ABCC1: variants seen among roughly 807,000 people sequenced by gnomAD.
ABCC1 encodes multidrug resistance-associated protein 1.
Under a neutral mutation model 172.9 loss-of-function variants are expected in ABCC1, and 83 were observed. That is an observed-to-expected ratio of 0.48 (90% CI 0.40 to 0.58). The LOEUF (loss-of-function observed/expected upper bound fraction) is 0.58. Among genes scored for constraint, ABCC1 ranks in the 20% least tolerant of loss-of-function variants. ABCC1 has a pLI of 0.00. For synonymous variants in ABCC1, 937 were observed against 825.2 expected, an observed-to-expected ratio of 1.14 and a Z score of -2.32; for missense variants, 1,817 against 2,002.7, an observed-to-expected ratio of 0.91 and a Z score of 1.77.
In ABCC1 at chr16:16,009,910, G is replaced by A. The variant is rs201305865; in HGVS notation, c.351+9G>A. Reference sequence around the variant, plus strand: ...TCTTGGGCATCACCATGGTAAGTAGGAGCTGGCTGTGACCCCTGGGCCATC... The same window carrying A: ...TCTTGGGCATCACCATGGTAAGTAGAAGCTGGCTGTGACCCCTGGGCCATC... On this transcript the variant is annotated intron_variant, in intron 3 of 30. Coordinates refer to ENST00000399410, the MANE Select transcript of ABCC1 (RefSeq NM_004996.4). The A allele has an allele frequency of 2.5e-5, 39 of 1,591,550 alleles. No homozygotes were observed. The South Asian group carries it at 3.1e-4, about 13-fold the overall frequency.
chr16:16,015,305 A>C (rs951983549), intron 4 of ABCC1, among the ~76,000 whole-genome samples: 3 of 151,928 alleles, frequency 2.0e-5, no homozygotes, highest in African/African-American at 7.3e-5. Context: ...ATGCCCAGCT[A>C]ATTTTTGTAT....
intron 12 of ABCC1, among the ~76,000 whole-genome samples, chr16:16,066,711 C>G (rs899026875): frequency 8.0e-5 from 12 of 150,930 alleles, no homozygotes; most frequent in African/African-American, 2.9e-4. Context: ...CCAGCCTGAC[C>G]AACATGGCGA....
intron 4 of ABCC1, among the ~76,000 whole-genome samples, chr16:16,016,158 T>TG (rs2151762219): frequency 6.9e-6 from 1 of 144,942 alleles, no homozygotes; most frequent in South Asian, 2.3e-4. Context: ...GGTTTTTTTT[T>TG]TTTTTTTTTT....
chr16:16,061,122 G>A (rs1390460901), intron 12 of ABCC1, among the ~76,000 whole-genome samples: 4 of 152,060 alleles, frequency 2.6e-5, no homozygotes, highest in Non-Finnish European at 4.4e-5. Context: ...ATGGGGTTTA[G>A]CCGTGTTGGC....
chr16:15,992,250 A>G (rs530692854), intron 1 of ABCC1, among the ~76,000 whole-genome samples: 81 of 152,146 alleles, frequency 5.3e-4, no homozygotes, highest in African/African-American at 1.9e-3. Context: ...ATTCTACATA[A>G]TGGTGAGTTG....
chr16:16,112,593 C>T (rs2044665840), intron 22 of ABCC1, among the ~76,000 whole-genome samples: 1 of 152,118 alleles, frequency 6.6e-6, no homozygotes, highest in Admixed American at 6.5e-5. Context: ...GAAACTGAGG[C>T]CCGGAGAGGT....
Position 16,114,826 on chromosome 16 carries a change from G to T in ABCC1, c.3140G>T (p.Cys1047Phe), listed in dbSNP as rs13337489. The T allele has an allele frequency of 1.7e-5, 28 of 1,610,814 alleles. No individual in the cohort carries two copies. Among genetic ancestry groups the T allele is most frequent in the Non-Finnish European group, 2.3e-5 (27 of 1,177,232 alleles). The change falls in exon 23 of 31, where the codon TGT (cysteine) becomes TTT (phenylalanine). Residue 1047 changes from cysteine (C) to phenylalanine (F), a missense_variant. Transcript: ENST00000399410. ...VSIGGILASR[C>F]LHVDLLHSIL... ...ATCGGGGGGATCTTGGCTTCCCGCTGTCTGCACGTGGACCTGCTGCACAGC... is the reference window on the plus strand; with the variant it reads ...ATCGGGGGGATCTTGGCTTCCCGCTTTCTGCACGTGGACCTGCTGCACAGC...
At position 16,071,738 on chromosome 16, in the gene ABCC1, G is replaced by A; in HGVS notation, c.1912+9G>A. 1 of 1,611,836 alleles carries A rather than the reference G, an allele frequency of 6.2e-7. No homozygotes were observed. The highest frequency in any genetic ancestry group is 8.5e-7 in the Non-Finnish European group (1 of 1,178,882). On this transcript the variant is annotated intron_variant, in intron 14 of 30. Transcript: ENST00000399410. ...ACGGCCTGTCAAAGACGGTGTGTGTGTGTTCAGTCCTGGCTTCTGGAAGTG... is the reference window on the plus strand; with the variant it reads ...ACGGCCTGTCAAAGACGGTGTGTGTATGTTCAGTCCTGGCTTCTGGAAGTG...
At chr16:16,043,833 C>T (rs960133634) in intron 7 of ABCC1, among the ~76,000 whole-genome samples, 2 of 152,080 alleles carry the variant, frequency 1.3e-5, no homozygotes, top group Non-Finnish European at 2.9e-5. Flanking sequence ...AACTCCTGAC[C>T]CCAAGTGATC....
At chr16:15,989,946 G>A (rs1426750215) in intron 1 of ABCC1, among the ~76,000 whole-genome samples, 1 of 151,332 alleles carries the variant, frequency 6.6e-6, no homozygotes, top group African/African-American at 2.4e-5. Context: ...GCATAATCAC[G>A]TCTCACTGCA....
At chr16:16,041,558 C>T (rs912110727) in intron 7 of ABCC1, among the ~76,000 whole-genome samples, 14 of 152,124 alleles carry the variant, frequency 9.2e-5, no homozygotes, top group African/African-American at 3.1e-4. Context: ...GATCTGGCAC[C>T]TGTAACCCCT....
At position 16,124,335 on chromosome 16, in the gene ABCC1, G is replaced by GTGTGTGTGTGTGTGTGTATGTGTGTGTA. The variant is rs766911904; in HGVS notation, c.3591-440_3591-439insTGTATGTGTGTGTATGTGTGTGTGTGTG. ...ATGCACTGTGTGTGTGTGTGTGTGT[G>GTGTGTGTGTGTGTGTGTATGTGTGTGTA]TGTGTGTGTGTGTGATTATAGGAGT... is the stretch of plus-strand genomic sequence containing the variant. On this transcript the variant is annotated intron_variant, in intron 24 of 30. Coordinates refer to ENST00000399410, the MANE Select transcript of ABCC1 (RefSeq NM_004996.4). Among the ~76,000 whole-genome samples, 13 of 87,982 alleles carry GTGTGTGTGTGTGTGTGTATGTGTGTGTA rather than the reference G, an allele frequency of 1.5e-4. 1 individual carries two copies. The highest frequency in any genetic ancestry group is 4.9e-4 in the African/African-American group (11 of 22,456). The allele number at this position is 87,982 out of a possible 152,430, so 57.7% of individuals were successfully genotyped here.
At chr16:15,983,943 A>G (rs1287765960) in intron 1 of ABCC1, among the ~76,000 whole-genome samples, 1 of 152,126 alleles carries the variant, frequency 6.6e-6, no homozygotes, top group South Asian at 2.1e-4. Flanking sequence ...GTGTGTCTTG[A>G]GGTCATCAAA....
At chr16:16,085,802 G>T (rs1157298685) in intron 17 of ABCC1, among the ~76,000 whole-genome samples, 1 of 152,160 alleles carries the variant, frequency 6.6e-6, no homozygotes, top group Non-Finnish European at 1.5e-5. Flanking sequence ...GAAGGCACGT[G>T]GCTGCCAGGA....
At position 16,076,401 on chromosome 16, in the gene ABCC1, G is replaced by A. The variant is rs200085313; in HGVS notation, c.1988G>A (p.Gly663Asp). The change falls in exon 15 of 31, where the codon GGC (glycine) becomes GAC (aspartate). Residue 663 changes from glycine to aspartate, a missense_variant and splice_region_variant. Gly to Asp is a moderately conservative substitution (Grantham distance 94). Around this residue, in one of 3 missense-constraint regions of ABCC1, gnomAD observed 1,412 missense variants for 1,600.3 expected, o/e 0.88. Coordinates refer to ENST00000399410, the MANE Select transcript of ABCC1 (RefSeq NM_004996.4). ...AGGAGCGACCCTCCCACACTGAATGGGTAAGCCGGGACGTGGACACACGTG... is the reference window on the plus strand; with the variant it reads ...AGGAGCGACCCTCCCACACTGAATGAGTAAGCCGGGACGTGGACACACGTG... Reference protein sequence around the residue: ...WARSDPPTLNGITFSIPEGAL... With the variant: ...WARSDPPTLNDITFSIPEGAL... 3 of 1,605,526 alleles carry A rather than the reference G, an allele frequency of 1.9e-6. No homozygotes were observed. The African/African-American group carries it at 4.0e-5, about 22-fold the overall frequency.
chr16:16,101,845 G>A (rs1165549048), intron 19 of ABCC1, among the ~76,000 whole-genome samples: 1 of 152,306 alleles, frequency 6.6e-6, no homozygotes, highest in African/African-American at 2.4e-5. Flanking sequence ...TTGATGCTGG[G>A]TGGATTCTTC....
chr16:15,996,944 G>T (rs17579503), intron 1 of ABCC1, among the ~76,000 whole-genome samples: 13,388 of 152,172 alleles, frequency 0.088, 693 homozygotes, highest in Middle Eastern at 0.15. Flanking sequence ...ACAAAGGTCA[G>T]GGGCCACTCG....
intron 2 of ABCC1, among the ~76,000 whole-genome samples, chr16:16,009,346 A>G (rs2047680608): frequency 2.6e-5 from 4 of 152,048 alleles, no homozygotes; most frequent in Non-Finnish European, 4.4e-5. Flanking sequence ...TTTTTTCTGA[A>G]TCATTTGAGA....
intron 1 of ABCC1, among the ~76,000 whole-genome samples, chr16:15,987,242 C>A (rs1453172389): frequency 6.6e-6 from 1 of 152,216 alleles, no homozygotes; most frequent in African/African-American, 2.4e-5. Flanking sequence ...ATTTATTGAG[C>A]ACCTACTGTG....
Sources: allele counts gnomAD v4.1 joint callset (sites outside exome capture counted in the v4.1 genomes callset), GRCh38; gene constraint gnomAD v4.1.1; regional missense constraint gnomAD v4.1.1; transcripts MANE v1.5; gene names NCBI Gene and HGNC (gene_info 2026-07-23, HGNC 2026-07-21).